The following MARCHF7 variants were observed in gnomAD, a reference collection of about 807,000 sequenced individuals.
MARCHF7 encodes E3 ubiquitin-protein ligase MARCHF7.
MARCHF7 carries 20 observed loss-of-function variants against 76.5 expected under a neutral mutation model. The observed-to-expected ratio is 0.26, with a 90% confidence interval of 0.18 to 0.38. MARCHF7 has a LOEUF of 0.38. MARCHF7 is among the 10% of genes least tolerant of loss of function. The pLI is 1.00. For missense variants in MARCHF7, 797 were observed against 812.9 expected (o/e 0.98, Z 0.24); for synonymous variants, 295 against 293.0 (o/e 1.01, Z -0.07).
chr2:159,728,647 A>G (rs1248927745), intron 3 of MARCHF7, among the ~76,000 whole-genome samples: 1 of 152,246 alleles, frequency 6.6e-6, no homozygotes, highest in Admixed American at 6.5e-5. Context: ...AAATAGTACA[A>G]CAGGTATGAT....
chr2:159,740,741 C>T (rs912039049), intron 4 of MARCHF7, among the ~76,000 whole-genome samples: 1 of 152,222 alleles, frequency 6.6e-6, no homozygotes, highest in Non-Finnish European at 1.5e-5. Context: ...AAAATATTCT[C>T]TAGGCAAAGG....
intron 3 of MARCHF7, among the ~76,000 whole-genome samples, chr2:159,727,537 G>A (rs13407710): frequency 0.041 from 6,313 of 152,178 alleles, 420 homozygotes; most frequent in African/African-American, 0.14. Flanking sequence ...CCAGTGAGCC[G>A]AGATCGTGCC....
chr2:159,766,365 G>C (rs1393194177), intron 11 of MARCHF7, among the ~76,000 whole-genome samples: 2 of 152,130 alleles, frequency 1.3e-5, no homozygotes, highest in African/African-American at 4.8e-5. Flanking sequence ...TATTAGTGTT[G>C]CATAGTTTTT....
At chr2:159,731,187 C>G (rs1004656787) in intron 4 of MARCHF7, among the ~76,000 whole-genome samples, 1 of 152,190 alleles carries the variant, frequency 6.6e-6, no homozygotes, top group African/African-American at 2.4e-5. Context: ...GCCACTGCAC[C>G]TGGCCGACAT....
intron 6 of MARCHF7, among the ~76,000 whole-genome samples, chr2:159,746,434 T>C (rs1287856003): frequency 6.6e-6 from 1 of 152,228 alleles, no homozygotes; most frequent in Non-Finnish European, 1.5e-5. Flanking sequence ...GGAGTTTTGC[T>C]CTTGTTACCC....
intron 6 of MARCHF7, among the ~76,000 whole-genome samples, chr2:159,746,626 C>T (rs1029282335): frequency 4.6e-5 from 7 of 152,178 alleles, no homozygotes; most frequent in African/African-American, 1.7e-4. Flanking sequence ...GTCTTGAACT[C>T]CTGACCTCAG....
At chr2:159,761,850 C>T (rs1707150025) in intron 9 of MARCHF7, among the ~76,000 whole-genome samples, 1 of 152,068 alleles carries the variant, frequency 6.6e-6, no homozygotes, top group South Asian at 2.1e-4. Context: ...AATTACAGGA[C>T]AGATTAGATT....
chr2:159,736,964 A>G (rs1703534105), intron 4 of MARCHF7, among the ~76,000 whole-genome samples: 1 of 152,186 alleles, frequency 6.6e-6, no homozygotes, highest in Non-Finnish European at 1.5e-5. Context: ...ATACCATACA[A>G]TTCACCATAT....
At chr2:159,743,901 C>A (rs1319733027) in intron 5 of MARCHF7, among the ~76,000 whole-genome samples, 1 of 147,398 alleles carries the variant, frequency 6.8e-6, no homozygotes, top group Non-Finnish European at 1.5e-5. Flanking sequence ...GAGCAAGACT[C>A]TGTTTCTTAA....
In MARCHF7 at chr2:159,767,449, T is replaced by C; in HGVS notation, c.*107T>C. 1 of 707,252 alleles carries C rather than the reference T, an allele frequency of 1.4e-6. No homozygotes were observed. The highest frequency in any genetic ancestry group is 2.4e-6 in the Non-Finnish European group (1 of 416,044). The allele number at this position is 707,252 out of a possible 1,614,324, so 43.8% of individuals were successfully genotyped here. A position where few individuals can be genotyped will look rare whatever the true frequency, so the allele number is the denominator to read the frequency against. ...GAATGCCTAATAAATACATTGACTATATATAAAATGAATATATACATACAC... is the reference window on the plus strand; with the variant it reads ...GAATGCCTAATAAATACATTGACTACATATAAAATGAATATATACATACAC... On this transcript the variant is annotated 3_prime_UTR_variant, in exon 12 of 12. Coordinates refer to ENST00000409175, the MANE Select transcript of MARCHF7 (RefSeq NM_001282805.2).
intron 4 of MARCHF7, among the ~76,000 whole-genome samples, chr2:159,742,803 G>A (rs1357050745): frequency 6.6e-6 from 1 of 152,140 alleles, no homozygotes; most frequent in Non-Finnish European, 1.5e-5. Context: ...CGGGCGTGGT[G>A]GCACACACCT....
At position 159,733,763 on chromosome 2, in the gene MARCHF7, T is replaced by G. The variant is rs565484042; in HGVS notation, c.153+4588T>G. On this transcript the variant is annotated intron_variant, in intron 4 of 11. Transcript: ENST00000409175. ...ATAGAACATTTTTTACTTCTGTTTTTAGTTAACATGGATATTTGTGTCAGT... is the reference window on the plus strand; with the variant it reads ...ATAGAACATTTTTTACTTCTGTTTTGAGTTAACATGGATATTTGTGTCAGT... The G allele has an allele frequency of 4.1e-6, 4 of 985,434 alleles. No homozygotes were observed. In the African/African-American group the frequency reaches 7.0e-5, roughly 17 times the overall value. 61.0% of individuals were successfully genotyped at this position (985,434 alleles called of 1,614,324 possible). A position where few individuals can be genotyped will look rare whatever the true frequency, so the allele number is the denominator to read the frequency against.
At chr2:159,742,661 G>A (rs1704273758) in intron 4 of MARCHF7, among the ~76,000 whole-genome samples, 1 of 152,094 alleles carries the variant, frequency 6.6e-6, no homozygotes. Context: ...GAACTACATG[G>A]TGGAGGCCAG....
chr2:159,747,705 A>G, intron 6 of MARCHF7, 100 bp from the exon 7 acceptor site: 4 of 1,128,096 alleles, frequency 3.5e-6, no homozygotes, highest in Non-Finnish European at 3.8e-6. Flanking sequence ...AACAGTATTA[A>G]GTTTGAATCC....
chr2:159,727,775 T>G (rs1702342455), intron 3 of MARCHF7, among the ~76,000 whole-genome samples: 2 of 152,162 alleles, frequency 1.3e-5, no homozygotes, highest in East Asian at 3.8e-4. Context: ...CAGATGAATC[T>G]CACAAATATA....
chr2:159,734,419 C>T (rs946670017), intron 4 of MARCHF7, among the ~76,000 whole-genome samples: 2 of 151,206 alleles, frequency 1.3e-5, no homozygotes, highest in African/African-American at 4.9e-5. Context: ...TTTAAAACTA[C>T]CTTATGCAAG....
rs970080247 is a variant in MARCHF7 at position 159,745,674 on chromosome 2, T to TAAA, written c.347-95_347-93dup. ...CCGTCTCAAATAATAATAATAATAA[T>TAAA]AAATAACACTAACTTTCCTCTCTAT... is the stretch of plus-strand genomic sequence containing the variant. On this transcript the variant is annotated intron_variant, in intron 5 of 11. Transcript: ENST00000409175. 8 of 768,370 alleles carry TAAA rather than the reference T, an allele frequency of 1.0e-5. No homozygotes were observed. In the African/African-American group the frequency reaches 1.1e-4, roughly 10 times the overall value. The allele number at this position is 768,370 out of a possible 1,614,324, so 47.6% of individuals were successfully genotyped here. A position where few individuals can be genotyped will look rare whatever the true frequency, so the allele number is the denominator to read the frequency against.
At chr2:159,733,369 C>A in intron 4 of MARCHF7, 1 of 449,650 alleles carries the variant, frequency 2.2e-6, no homozygotes, top group Non-Finnish European at 2.9e-6. Flanking sequence ...TCCTGAGTAG[C>A]TTGAGAATAC....
chr2:159,763,938 A>G (rs918140500), intron 10 of MARCHF7, among the ~76,000 whole-genome samples: 1 of 152,186 alleles, frequency 6.6e-6, no homozygotes, highest in African/African-American at 2.4e-5. Context: ...CTTGACTTCT[A>G]AGTACTTTAC....
Sources: allele counts gnomAD v4.1 joint callset (sites outside exome capture counted in the v4.1 genomes callset), GRCh38; gene constraint gnomAD v4.1.1; transcripts MANE v1.5; gene names NCBI Gene and HGNC (gene_info 2026-07-23, HGNC 2026-07-21).